The following ZFR2 variants were observed in gnomAD, a reference collection of about 807,000 sequenced individuals.
ZFR2 encodes the protein zinc finger RNA-binding protein 2.
In ZFR2, 104 loss-of-function variants were observed where a neutral mutation model predicts 105.7. The observed-to-expected ratio is 0.98, with a 90% CI of 0.84 to 1.16. The LOEUF is 1.16. Among genes scored for constraint, ZFR2 ranks in the 50% most tolerant of loss-of-function variants. ZFR2 has a pLI of 0.00. For synonymous variants in ZFR2, 634 were observed against 597.7 expected (o/e 1.06, Z -0.89); for missense variants, 1,425 against 1,355.5 (o/e 1.05, Z -0.80).
chr19:3,811,768 T>G (rs1292939329), intron 14 of ZFR2, among the ~76,000 whole-genome samples: 2 of 150,548 alleles, frequency 1.3e-5, no homozygotes, highest in Non-Finnish European at 3.0e-5. Flanking sequence ...ATTTTATTTT[T>G]TACGTATTTA....
chr19:3,823,332 G>T lies in ZFR2; in HGVS notation c.1285C>A (p.Pro429Thr). ...GKPAQPKLEG[P>T]GAPTQGGSKE... ...GAGCCTCCTTGGGTAGGTGCTCCGG[G>T]ACCCTCTAATTTAGGTTGGGCTGGT... The change falls in exon 8 of 19, where the codon CCC becomes ACC. Residue 429 changes from proline (P) to threonine (T), a missense_variant. Physicochemically the swap from Pro to Thr is conservative, Grantham distance 38. Transcript: ENST00000262961. This position sits in a 1 kb window ranked among gnomAD's most constrained non-coding sequence, Gnocchi z 5.4. 2 of 1,614,002 alleles carry T rather than the reference G, an allele frequency of 1.2e-6. No homozygotes were observed. Among genetic ancestry groups the T allele is most frequent in the Non-Finnish European group, 1.7e-6 (2 of 1,179,874 alleles).
intron 1 of ZFR2, among the ~76,000 whole-genome samples, chr19:3,843,198 C>T (rs1390914456): frequency 6.0e-5 from 9 of 151,004 alleles, no homozygotes; most frequent in South Asian, 2.2e-4. Flanking sequence ...GGGCTGGGCG[C>T]GGTGGCTCAC....
At chr19:3,835,183 T>C (rs1214720786) in intron 1 of ZFR2, among the ~76,000 whole-genome samples, 200 bp from the exon 2 acceptor site, 2 of 152,122 alleles carry the variant, frequency 1.3e-5, no homozygotes, top group Admixed American at 1.3e-4. Flanking sequence ...GCTGGGCCTA[T>C]CACTGCACCC....
chr19:3,841,283 C>T (rs929611413), intron 1 of ZFR2, among the ~76,000 whole-genome samples: 2 of 152,238 alleles, frequency 1.3e-5, no homozygotes, highest in South Asian at 4.1e-4. Context: ...GGCCTCACTC[C>T]TCGGCAGGGC....
intron 1 of ZFR2, among the ~76,000 whole-genome samples, chr19:3,844,014 G>GGC (rs1555757826): frequency 1.8e-5 from 1 of 56,106 alleles, no homozygotes; most frequent in South Asian, 1.0e-3. Flanking sequence ...AGTAGGATGT[G>GGC]GGGGGGGGGG....
rs917540986 is a variant in ZFR2 at position 3,808,324 on chromosome 19, T to C, written c.2545+548A>G. Among the ~76,000 whole-genome samples, 3 of 152,256 alleles carry C rather than the reference T, an allele frequency of 2.0e-5. No homozygotes were observed. In the South Asian group the frequency reaches 6.2e-4, roughly 31 times the overall value. On this transcript the variant is annotated intron_variant, in intron 17 of 18. Coordinates refer to ENST00000262961, the MANE Select transcript of ZFR2 (RefSeq NM_015174.2). ...CCCAGGCAATGGGCCGAAAGCTTCA[T>C]GCTCCCTTTTCACTTGCTATCATCC...
In ZFR2 at chr19:3,839,536, C is replaced by CAAAAAAA. The variant is rs60712587; in HGVS notation, c.54-4560_54-4554dup. ...CCTGGGTGACAGAGCGGGATTCTGT[C>CAAAAAAA]AAAAAAAAAAAAAAAAAAAAAAAAA... is the stretch of plus-strand genomic sequence containing the variant. On this transcript the variant is annotated intron_variant, in intron 1 of 18. Coordinates refer to ENST00000262961, the MANE Select transcript of ZFR2 (RefSeq NM_015174.2). Among the ~76,000 whole-genome samples the CAAAAAAA allele has an allele frequency of 5.5e-4, 20 of 36,640 alleles. 3 individuals are homozygous for CAAAAAAA. The highest frequency in any genetic ancestry group is 8.0e-4 in the Non-Finnish European group (16 of 20,064). The allele number at this position is 36,640 out of a possible 152,430, so 24.0% of individuals were successfully genotyped here.
chr19:3,825,568 C>T (rs941167287), intron 6 of ZFR2, among the ~76,000 whole-genome samples, 161 bp from the exon 7 acceptor site: 1 of 152,222 alleles, frequency 6.6e-6, no homozygotes, highest in African/African-American at 2.4e-5. Context: ...GGATAACACC[C>T]ACTCCAGAAG....
chr19:3,863,939 G>A (rs77458257), intron 1 of ZFR2, among the ~76,000 whole-genome samples: 1 of 152,164 alleles, frequency 6.6e-6, no homozygotes, highest in Admixed American at 6.5e-5. Context: ...GGCTCAGTCA[G>A]TATCAGGTGC....
chr19:3,846,937 C>T (rs1383806525), intron 1 of ZFR2, among the ~76,000 whole-genome samples: 4 of 152,200 alleles, frequency 2.6e-5, no homozygotes, highest in Admixed American at 1.3e-4. Context: ...GAATTTGGGA[C>T]GGGCTTCGGG....
Position 3,808,891 on chromosome 19 carries a change from G to A in ZFR2, c.2526C>T (p.Ala842=), listed in dbSNP as rs1227909786. The A allele has an allele frequency of 1.5e-5, 23 of 1,556,400 alleles. No homozygotes were observed. Among genetic ancestry groups the A allele is most frequent in the Admixed American group, 1.9e-5 (1 of 52,420 alleles). ...DAVRRVLECV[A]TGTLLTDGPG... The stretch of plus-strand genomic sequence containing the variant: ...ACTGACCTGTCAGGAGCGTCCCTGT[G>A]GCCACGCACTCCAGGACTCGCCTGA... Residue 842 remains alanine (A), a synonymous_variant, in exon 17 of 19, where the codon GCC becomes GCT. Coordinates refer to ENST00000262961, the MANE Select transcript of ZFR2 (RefSeq NM_015174.2).
intron 14 of ZFR2, among the ~76,000 whole-genome samples, chr19:3,812,488 C>T (rs923575848): frequency 3.3e-5 from 5 of 152,034 alleles, no homozygotes; most frequent in Non-Finnish European, 5.9e-5. Context: ...GGGCGGCTCA[C>T]GGGGCTCTTC....
At chr19:3,868,860 G>A (rs1028579232) in intron 1 of ZFR2, 105 bp downstream of exon 1, 5 of 974,320 alleles carry the variant, frequency 5.1e-6, no homozygotes, top group Non-Finnish European at 5.4e-6. Flanking sequence ...TTGGGGCTGG[G>A]ACTGGGGCCG....
At chr19:3,857,426 C>T (rs183779008) in intron 1 of ZFR2, among the ~76,000 whole-genome samples, 2 of 151,390 alleles carry the variant, frequency 1.3e-5, no homozygotes, top group Non-Finnish European at 2.9e-5. Context: ...ACAAACTGGC[C>T]GGGTGTGGTG....
chr19:3,851,729 A>G (rs984570228), intron 1 of ZFR2: 2 of 152,578 alleles, frequency 1.3e-5, no homozygotes, highest in African/African-American at 4.8e-5. Context: ...AATGGTTTTT[A>G]TAATTTTAAG....
chr19:3,823,334 C>T lies in ZFR2; in HGVS notation c.1283G>A (p.Gly428Asp), dbSNP rs1568421995. ...WGKPAQPKLE[G>D]PGAPTQGGSK... ...GCCTCCTTGGGTAGGTGCTCCGGGA[C>T]CCTCTAATTTAGGTTGGGCTGGTTT... Residue 428 changes from glycine to aspartate, a missense_variant, in exon 8 of 19, where the codon GGT becomes GAT. By Grantham distance (94) the Gly-to-Asp change is moderately conservative (BLOSUM62 -1). Coordinates refer to ENST00000262961, the MANE Select transcript of ZFR2 (RefSeq NM_015174.2). The surrounding 1 kb of genome is among the most constrained non-coding windows in gnomAD (Gnocchi z 5.4). The T allele has an allele frequency of 6.2e-7, 1 of 1,614,020 alleles. No homozygotes were observed. The highest frequency in any genetic ancestry group is 8.5e-7 in the Non-Finnish European group (1 of 1,179,882).
chr19:3,855,111 G>C (rs2038282652), intron 1 of ZFR2, among the ~76,000 whole-genome samples: 1 of 152,192 alleles, frequency 6.6e-6, no homozygotes, highest in Non-Finnish European at 1.5e-5. Context: ...GCCCAGGCTG[G>C]TCTCGAACTC....
intron 17 of ZFR2, 47 bp downstream of exon 17, chr19:3,808,825 C>T: frequency 1.4e-6 from 2 of 1,477,170 alleles, no homozygotes; most frequent in South Asian, 1.3e-5. Context: ...GCCCTGGTCT[C>T]TGCGATTTGC....
intron 1 of ZFR2, 134 bp downstream of exon 1, chr19:3,868,831 C>G (rs1245639179): frequency 1.3e-6 from 1 of 779,012 alleles, no homozygotes; most frequent in Non-Finnish European, 1.7e-6. Flanking sequence ...CGCGGCTTCC[C>G]TCAGGCCGGG....
Sources: allele counts gnomAD v4.1 joint callset (sites outside exome capture counted in the v4.1 genomes callset), GRCh38; gene constraint gnomAD v4.1.1; non-coding constraint Gnocchi (gnomAD v3.1); transcripts MANE v1.5; gene names NCBI Gene and HGNC (gene_info 2026-07-23, HGNC 2026-07-21).